The following RHBDF1 variants were observed in gnomAD, a reference collection of about 807,000 sequenced individuals.
RHBDF1 encodes rhomboid 5 homolog 1, also known as inactive rhomboid protein 1.
RHBDF1 carries 80 observed loss-of-function variants against 98.6 expected under a neutral mutation model. The ratio of observed to expected loss-of-function variants is 0.81; its 90% CI spans 0.68 to 0.98. The LOEUF (loss-of-function observed/expected upper bound fraction) is 0.98. Among genes scored for constraint, RHBDF1 ranks in the 50% least tolerant of loss-of-function variants. RHBDF1 has a pLI of 0.00. For synonymous variants in RHBDF1, 512 were observed against 486.8 expected (o/e 1.05, Z -0.68); for missense variants, 1,116 against 1,198.3 (o/e 0.93, Z 1.01).
chr16:62,732 G>A (rs769622634), intron 6 of RHBDF1, 37 bp from the exon 7 acceptor site: 2 of 1,614,094 alleles, frequency 1.2e-6, no homozygotes, highest in South Asian at 1.1e-5. Flanking sequence ...GACACAGGCA[G>A]GAAGGGAACG....
Position 58,478 on chromosome 16 carries a change from G to C in RHBDF1, c.2430C>G (p.Val810=), listed in dbSNP as rs748168212. 3 of 1,613,996 alleles carry C rather than the reference G, an allele frequency of 1.9e-6. No homozygotes were observed. The East Asian group carries it at 6.7e-5, about 36-fold the overall frequency. ...KRCQIIIFQV[V]FLGLLAGLVV... ...CCAGGCCAGCCAGGAGGCCCAGGAAGACCACCTGAAAGATGATGATCTGGC... is the reference window on the plus strand; with the variant it reads ...CCAGGCCAGCCAGGAGGCCCAGGAACACCACCTGAAAGATGATGATCTGGC... The change falls in exon 18 of 18, where the codon GTC becomes GTG. Residue 810 remains valine (V), a synonymous_variant. Coordinates refer to ENST00000262316, the MANE Select transcript of RHBDF1 (RefSeq NM_022450.5).
intron 7 of RHBDF1, chr16:62,289 G>A (rs114061359): frequency 2.8e-6 from 2 of 715,572 alleles, no homozygotes; most frequent in East Asian, 2.8e-5. Context: ...TGTCACCTCC[G>A]CCTCCCCGTT....
Position 58,955 on chromosome 16 carries a change from C to T in RHBDF1, c.2148+19G>A. 6.2e-7 allele frequency: 1 copy of T among 1,611,710 alleles called. No homozygotes were observed. The highest frequency in any genetic ancestry group is 8.5e-7 in the Non-Finnish European group (1 of 1,179,296). On this transcript the variant is annotated intron_variant, in intron 17 of 17. Coordinates refer to ENST00000262316, the MANE Select transcript of RHBDF1 (RefSeq NM_022450.5). ...GCAGGTGCACACGGGAGGATCCCCACCCTGAGGGCCAGCCTTACCTCTGCT... is the reference window on the plus strand; with the variant it reads ...GCAGGTGCACACGGGAGGATCCCCATCCTGAGGGCCAGCCTTACCTCTGCT...
At chr16:73,071 T>C (rs1898019704), upstream of RHBDF1, among the ~76,000 whole-genome samples, 1 of 152,242 alleles carries the variant, frequency 6.6e-6, no homozygotes, top group African/African-American at 2.4e-5. Context: ...CACTAAGCAC[T>C]CACATTCCCT....
intron 4 of RHBDF1, among the ~76,000 whole-genome samples, 178 bp downstream of exon 4, chr16:63,409 T>A (rs574395138): frequency 9.7e-4 from 148 of 152,240 alleles, no homozygotes; most frequent in Middle Eastern, 6.8e-3. Flanking sequence ...CATGTCCCCA[T>A]CCCAAGGTAC....
At position 72,558 on chromosome 16, in the gene RHBDF1, A is replaced by ACG; in HGVS notation, c.-71_-70insCG. 1 of 979,990 alleles carries ACG rather than the reference A, an allele frequency of 1.0e-6. No individual in the cohort carries two copies. The highest frequency in any genetic ancestry group is 4.7e-5 in the South Asian group (1 of 21,280). 60.7% of individuals were successfully genotyped at this position (979,990 alleles called of 1,614,324 possible). ...GGGGGTCCTGAGGGCGCCGGGGAGG[A>ACG]GGCTGCCGCCGCTGGCCGGGAGGGC... On this transcript the variant is annotated 5_prime_UTR_variant, in exon 1 of 18. Coordinates refer to ENST00000262316, the MANE Select transcript of RHBDF1 (RefSeq NM_022450.5).
intron 1 of RHBDF1, among the ~76,000 whole-genome samples, chr16:67,916 G>C (rs554113441): frequency 1.2e-3 from 184 of 152,280 alleles, no homozygotes; most frequent in Middle Eastern, 6.8e-3. Flanking sequence ...CAGGGGGTGA[G>C]AAGAGCCGAG....
chr16:60,083 G>C, intron 13 of RHBDF1, 133 bp downstream of exon 13: 1 of 1,532,712 alleles, frequency 6.5e-7, no homozygotes, highest in Non-Finnish European at 8.8e-7. Context: ...CTGTACAAAG[G>C]GCAGGTGCAC....
upstream of RHBDF1, among the ~76,000 whole-genome samples, chr16:72,957 C>A (rs1898017805): frequency 6.6e-6 from 1 of 152,108 alleles, no homozygotes; most frequent in Non-Finnish European, 1.5e-5. Context: ...AGAGCAGGCA[C>A]GGGGTAAAGG....
intron 1 of RHBDF1, among the ~76,000 whole-genome samples, chr16:72,163 C>T (rs1410223784): frequency 6.6e-6 from 1 of 152,214 alleles, no homozygotes; most frequent in Non-Finnish European, 1.5e-5. Context: ...TCTAGACTCC[C>T]GCTCCTGGGA....
upstream of RHBDF1, among the ~76,000 whole-genome samples, chr16:73,243 C>T (rs1314769746): frequency 6.6e-6 from 1 of 152,148 alleles, no homozygotes; most frequent in Non-Finnish European, 1.5e-5. Context: ...CACACGTGTA[C>T]ACACCGATGC....
intron 1 of RHBDF1, 25 bp from the exon 2 acceptor site, chr16:65,064 A>G (rs1425846706): frequency 1.3e-6 from 2 of 1,487,556 alleles, no homozygotes; most frequent in South Asian, 1.4e-5. Flanking sequence ...GTGTTATTCA[A>G]TAATGACAAA....
upstream of RHBDF1, among the ~76,000 whole-genome samples, chr16:73,286 CT>C (rs1898024874): frequency 1.3e-5 from 2 of 152,184 alleles, no homozygotes; most frequent in African/African-American, 4.8e-5. Flanking sequence ...GTCATTACCC[CT>C]CCCCCTGCCC....
Position 61,815 on chromosome 16 carries a change from C to A in RHBDF1, c.1191G>T (p.Glu397Asp), listed in dbSNP as rs1160729598. ...RIDSFVKRQI[E>D]DMDDHRPFFT... ...ACGCCTACCTGTGGTCGTCCATGTC[C>A]TCGATCTGGCGCTTGACGAAGCTGT... Residue 397 changes from glutamate to aspartate, a missense_variant, in exon 8 of 18, where the codon GAG becomes GAT. Physicochemically the swap from Glu to Asp is conservative, Grantham distance 45. Coordinates refer to ENST00000262316, the MANE Select transcript of RHBDF1 (RefSeq NM_022450.5). 1 of 1,612,756 alleles carries A rather than the reference C, an allele frequency of 6.2e-7. No homozygotes were observed. The highest frequency in any genetic ancestry group is 2.2e-5 in the East Asian group (1 of 44,876).
At chr16:68,360 G>T (rs1897882479) in intron 1 of RHBDF1, among the ~76,000 whole-genome samples, 2 of 152,342 alleles carry the variant, frequency 1.3e-5, no homozygotes, top group South Asian at 4.1e-4. Context: ...GCAGGCCCAG[G>T]CTGGACAAAG....
In RHBDF1 at chr16:63,616, C is replaced by A. The variant is rs201102386; in HGVS notation, c.433G>T (p.Val145Leu). ...TSTETPPPLY[V>L]GPCQLGMQKI... is the part of the protein sequence containing the mutation. ...TGCATGCCCAGCTGGCATGGCCCCA[C>A]GTAGAGTGGGGGTGGCGTCTCGGTG... Residue 145 changes from valine to leucine, a missense_variant, in exon 4 of 18, where the codon GTG becomes TTG. Coordinates refer to ENST00000262316, the MANE Select transcript of RHBDF1 (RefSeq NM_022450.5). The A allele has an allele frequency of 6.3e-7, 1 of 1,581,172 alleles. No homozygotes were observed. The highest frequency in any genetic ancestry group is 8.6e-7 in the Non-Finnish European group (1 of 1,163,666).
intron 1 of RHBDF1, among the ~76,000 whole-genome samples, chr16:66,239 G>A (rs537621580): frequency 3.1e-4 from 47 of 152,254 alleles, no homozygotes; most frequent in Non-Finnish European, 4.6e-4. Context: ...TGACAGGCTC[G>A]GAGCCGCTGG....
At position 60,288 on chromosome 16, in the gene RHBDF1, GC is replaced by G; in HGVS notation, c.1659-10del. On this transcript the variant is annotated splice_polypyrimidine_tract_variant and intron_variant, in intron 12 of 17. Transcript: ENST00000262316. Reference sequence around the variant, plus strand: ...AGGGCTCATCACACACCCTGCATGAGCCAAGTATGTGGTCAGACCGGCTTCG... The same window carrying G: ...AGGGCTCATCACACACCCTGCATGAGCAAGTATGTGGTCAGACCGGCTTCG... 6.2e-7 allele frequency: 1 copy of G among 1,614,056 alleles called. No homozygotes were observed. The highest frequency in any genetic ancestry group is 1.1e-5 in the South Asian group (1 of 91,088).
In RHBDF1 at chr16:58,499, C is replaced by T. The variant is rs1222025624; in HGVS notation, c.2409G>A (p.Gln803=). 3 of 1,614,118 alleles carry T rather than the reference C, an allele frequency of 1.9e-6. No homozygotes were observed. The South Asian group carries it at 3.3e-5, about 18-fold the overall frequency. ...GKFDLYRKRC[Q]IIIFQVVFLG... ...GGAAGACCACCTGAAAGATGATGAT[C>T]TGGCAGCGTTTCCGGTACAGGTCGA... Residue 803 remains glutamine (Q), a synonymous_variant, in exon 18 of 18, where the codon CAG becomes CAA. Coordinates refer to ENST00000262316, the MANE Select transcript of RHBDF1 (RefSeq NM_022450.5).
Sources: allele counts gnomAD v4.1 joint callset (sites outside exome capture counted in the v4.1 genomes callset), GRCh38; gene constraint gnomAD v4.1.1; transcripts MANE v1.5; gene names NCBI Gene and HGNC (gene_info 2026-07-23, HGNC 2026-07-21).